SLC25A17: variants seen among roughly 807,000 people sequenced by gnomAD.
The protein encoded by SLC25A17 is solute carrier family 25 member 17.
In SLC25A17, 26 loss-of-function variants were observed where a neutral mutation model predicts 38.5. The ratio of observed to expected loss-of-function variants is 0.68; its 90% CI spans 0.50 to 0.94. SLC25A17 has a LOEUF of 0.94. SLC25A17 is among the 40% of genes least tolerant of loss of function. The probability of loss-of-function intolerance (pLI) is 0.00; values close to 1 mark genes in which losing one functional copy is unlikely to be tolerated. For missense variants in SLC25A17, 333 were observed against 372.7 expected (o/e 0.89, Z 0.88); for synonymous variants, 139 against 136.2 (o/e 1.02, Z -0.14).
In SLC25A17 at chr22:40,770,909, G is replaced by A; in HGVS notation, c.849C>T (p.Leu283=). The change falls in exon 9 of 9, where the codon CTC becomes CTT. Residue 283 remains leucine, a synonymous_variant. Transcript: ENST00000435456. ...TCAGTTTCTCATAAACAAGGAACAT[G>A]AGAGCAGCAGTGAGGACTGTCTGCA... ...KLLQTVLTAA[L]MFLVYEKLTA... is the part of the protein sequence containing the mutation. The A allele has an allele frequency of 6.2e-7, 1 of 1,613,548 alleles. No homozygotes were observed.
At chr22:40,808,482 G>A (rs1196954710) in intron 1 of SLC25A17, among the ~76,000 whole-genome samples, 1 of 152,154 alleles carries the variant, frequency 6.6e-6, no homozygotes, top group Admixed American at 6.5e-5. Context: ...TTTTTTCAAT[G>A]AAGACACACA....
At chr22:40,771,295 G>T (rs1469304778) in intron 8 of SLC25A17, among the ~76,000 whole-genome samples, 1 of 151,966 alleles carries the variant, frequency 6.6e-6, no homozygotes, top group Non-Finnish European at 1.5e-5. Flanking sequence ...TATTTTTAGT[G>T]GAGATGGGGT....
At chr22:40,783,488 ATTTAT>A (rs774860440) in intron 4 of SLC25A17, among the ~76,000 whole-genome samples, 16 of 152,232 alleles carry the variant, frequency 1.1e-4, no homozygotes, top group African/African-American at 3.9e-4. Context: ...TGTTACAATT[ATTTAT>A]TTTATTTTAT....
intron 1 of SLC25A17, among the ~76,000 whole-genome samples, chr22:40,806,665 T>C (rs924005482): frequency 5.3e-5 from 8 of 152,136 alleles, no homozygotes; most frequent in African/African-American, 1.9e-4. Context: ...ATTCAACCAG[T>C]ACCAAAGTTC....
At position 40,793,689 on chromosome 22, in the gene SLC25A17, C is replaced by T. The variant is rs540698288; in HGVS notation, c.182+825G>A. On this transcript the variant is annotated intron_variant, in intron 3 of 8. Transcript: ENST00000435456. The stretch of plus-strand genomic sequence containing the variant: ...GTGCAATGGCGCGATCTCGGCTCAC[C>T]GCAACCTCCACCTCCTGGGTTCACG... 1.3e-3 allele frequency among the ~76,000 whole-genome samples: 193 copies of T among 152,112 alleles called. 1 individual carries two copies. The highest frequency in any genetic ancestry group is 4.5e-3 in the African/African-American group (187 of 41,486).
chr22:40,809,089 T>G (rs2057554883), intron 1 of SLC25A17, among the ~76,000 whole-genome samples: 1 of 152,092 alleles, frequency 6.6e-6, no homozygotes, highest in African/African-American at 2.4e-5. Context: ...TGTTAACATG[T>G]AATGGATGTA....
chr22:40,819,080 T>C (rs925910803), intron 1 of SLC25A17, 115 bp downstream of exon 1: 5 of 1,124,014 alleles, frequency 4.4e-6, no homozygotes, highest in Non-Finnish European at 6.5e-6. Flanking sequence ...GTCATGACAG[T>C]GGACCCCAAC....
intron 1 of SLC25A17, chr22:40,813,910 C>T (rs1283955095): frequency 6.6e-6 from 1 of 152,478 alleles, no homozygotes; most frequent in Non-Finnish European, 1.5e-5. Context: ...AGAGCAATTG[C>T]TATTTAGTAA....
chr22:40,787,458 AC>A (rs2057348649), intron 4 of SLC25A17, among the ~76,000 whole-genome samples: 1 of 152,186 alleles, frequency 6.6e-6, no homozygotes, highest in Non-Finnish European at 1.5e-5. Context: ...CCTACCTGTT[AC>A]AAGGGCTCAG....
At chr22:40,779,385 C>CA in intron 4 of SLC25A17, 1 of 838,988 alleles carries the variant, frequency 1.2e-6, no homozygotes, top group Non-Finnish European at 1.8e-6. Flanking sequence ...ATTTGTACAA[C>CA]AGGCAATCTA....
chr22:40,803,026 G>A (rs771722638), intron 1 of SLC25A17, among the ~76,000 whole-genome samples: 3 of 152,038 alleles, frequency 2.0e-5, no homozygotes, highest in African/African-American at 4.8e-5. Flanking sequence ...TGATAATATC[G>A]GAAATCTTCT....
intron 5 of SLC25A17, among the ~76,000 whole-genome samples, chr22:40,777,759 G>A (rs945845273): frequency 8.7e-5 from 13 of 149,856 alleles, no homozygotes; most frequent in Middle Eastern, 3.2e-3. Context: ...TCCAGCCTGG[G>A]TGACAGAGCA....
At chr22:40,771,451 C>A (rs1239739244) in intron 8 of SLC25A17, among the ~76,000 whole-genome samples, 2 of 152,160 alleles carry the variant, frequency 1.3e-5, no homozygotes, top group East Asian at 3.8e-4. Context: ...AATTTGGAAG[C>A]AAGCTACATG....
intron 2 of SLC25A17, among the ~76,000 whole-genome samples, chr22:40,795,020 T>G (rs1306794813): frequency 6.6e-6 from 1 of 152,190 alleles, no homozygotes; most frequent in Non-Finnish European, 1.5e-5. Flanking sequence ...CCCAAAGTGC[T>G]GGGATTACAG....
At chr22:40,799,187 A>AGTGGAATGGTT in intron 1 of SLC25A17, 104 bp from the exon 2 acceptor site, 2 of 731,966 alleles carry the variant, frequency 2.7e-6, no homozygotes, top group Non-Finnish European at 4.7e-6. Flanking sequence ...GCTGGAGTGC[A>AGTGGAATGGTT]GTGGTTTACG....
chr22:40,788,088 T>C (rs552463933), intron 4 of SLC25A17, among the ~76,000 whole-genome samples: 2 of 152,298 alleles, frequency 1.3e-5, no homozygotes, highest in Non-Finnish European at 2.9e-5. Flanking sequence ...CCTTCTCTAT[T>C]TAGAAGTACG....
chr22:40,777,819 T>C (rs2057260241), intron 5 of SLC25A17, among the ~76,000 whole-genome samples: 1 of 151,486 alleles, frequency 6.6e-6, no homozygotes, highest in South Asian at 2.1e-4. Context: ...CTTGCAATGA[T>C]AGTTTGGGGT....
At chr22:40,812,361 A>G (rs1174682273) in intron 1 of SLC25A17, among the ~76,000 whole-genome samples, 1 of 152,232 alleles carries the variant, frequency 6.6e-6, no homozygotes, top group Non-Finnish European at 1.5e-5. Context: ...TTACAGATAG[A>G]GTAAGAATGA....
intron 2 of SLC25A17, 66 bp downstream of exon 2, chr22:40,798,957 A>AG: frequency 1.7e-6 from 2 of 1,180,100 alleles, no homozygotes; most frequent in Non-Finnish European, 2.4e-6. Flanking sequence ...AAAAAAAAAA[A>AG]AGAAATTACT....
Sources: allele counts gnomAD v4.1 joint callset (sites outside exome capture counted in the v4.1 genomes callset), GRCh38; gene constraint gnomAD v4.1.1; transcripts MANE v1.5; gene names NCBI Gene and HGNC (gene_info 2026-07-23, HGNC 2026-07-21).